Variants in PRKN observed in about 807,000 individuals in gnomAD.
The protein encoded by PRKN is E3 ubiquitin-protein ligase parkin.
In PRKN, 56 loss-of-function variants were observed where a neutral mutation model predicts 59.5. The observed-to-expected ratio is 0.94, with a 90% CI of 0.76 to 1.18. PRKN has a LOEUF of 1.18. PRKN is among the 50% of genes most tolerant of loss of function. PRKN has a pLI of 0.00. For missense variants in PRKN, 657 were observed against 596.4 expected, an observed-to-expected ratio of 1.10 and a Z score of -1.06; for synonymous variants, 250 against 222.1, an observed-to-expected ratio of 1.13 and a Z score of -1.12.
chr6:162,684,738 G>A (rs2128233638), intron 1 of PRKN, among the ~76,000 whole-genome samples: 1 of 152,202 alleles, frequency 6.6e-6, no homozygotes, highest in South Asian at 2.1e-4. Flanking sequence ...CACTGTTAGT[G>A]AGGTAAATTA....
At chr6:162,007,855 A>T (rs539282435) in intron 5 of PRKN, among the ~76,000 whole-genome samples, 3 of 152,278 alleles carry the variant, frequency 2.0e-5, no homozygotes, top group Non-Finnish European at 4.4e-5. Flanking sequence ...AAAAGCCAGA[A>T]TCAATATACA....
chr6:161,733,783 A>AAATATATATATATGTATATATATATAT (rs35360887), intron 7 of PRKN, among the ~76,000 whole-genome samples: 3 of 86,228 alleles, frequency 3.5e-5, no homozygotes, highest in African/African-American at 8.8e-5. Context: ...AAAAAAAAAA[A>AAATATATATATATGTATATATATATAT]ATATATATAT....
At chr6:162,689,004 T>C (rs1161559262) in intron 1 of PRKN, among the ~76,000 whole-genome samples, 1 of 152,188 alleles carries the variant, frequency 6.6e-6, no homozygotes, top group Non-Finnish European at 1.5e-5. Flanking sequence ...TTCCCTATTA[T>C]CCTTCTGAGA....
At position 162,501,200 on chromosome 6, in the gene PRKN, C is replaced by T. The variant is rs149925507; in HGVS notation, c.8-57727G>A. On this transcript the variant is annotated intron_variant, in intron 1 of 11. Transcript: ENST00000366898. The stretch of plus-strand genomic sequence containing the variant: ...AAGGTGTTTTAATATCCCTCCTCCC[C>T]CAAGCTCCAAAAGATAAATTCTAAA... 8.2e-4 allele frequency among the ~76,000 whole-genome samples: 125 copies of T among 152,214 alleles called. 1 individual carries two copies. The South Asian group carries it at 0.012, about 14-fold the overall frequency.
rs1168230875 is a variant in PRKN at position 161,409,070 on chromosome 6, C to A, written c.1084-22193G>T. On this transcript the variant is annotated intron_variant, in intron 9 of 11. Coordinates refer to ENST00000366898, the MANE Select transcript of PRKN (RefSeq NM_004562.3). The surrounding 1 kb of genome is among the most constrained non-coding windows in gnomAD (Gnocchi z 4.6). ...AAGCGATTCTCCTGCCTCAGCCTCC[C>A]AAGTAACTAGGACTACAGGCTCCCA... Among the ~76,000 whole-genome samples the A allele has an allele frequency of 6.6e-6, 1 of 152,114 alleles. No individual in the cohort carries two copies. Among genetic ancestry groups the A allele is most frequent in the East Asian group, 1.9e-4 (1 of 5,192 alleles).
chr6:162,146,096 AG>A (rs1214465879), intron 4 of PRKN, among the ~76,000 whole-genome samples: 3 of 152,150 alleles, frequency 2.0e-5, no homozygotes, highest in Non-Finnish European at 4.4e-5. Flanking sequence ...ATTTAGTTCT[AG>A]GAAGTCAGTG....
intron 6 of PRKN, among the ~76,000 whole-genome samples, chr6:161,923,556 T>A (rs1175902237): frequency 6.6e-6 from 1 of 152,170 alleles, no homozygotes; most frequent in East Asian, 1.9e-4. Context: ...AAACTGTTCT[T>A]CACCTAGGTT....
intron 1 of PRKN, among the ~76,000 whole-genome samples, chr6:162,655,317 T>C (rs1364951992): frequency 6.6e-6 from 1 of 152,200 alleles, no homozygotes; most frequent in Non-Finnish European, 1.5e-5. Context: ...GTTTTTTGAT[T>C]CGTAATTGTA....
intron 6 of PRKN, among the ~76,000 whole-genome samples, chr6:161,870,974 G>GT (rs2128226614): frequency 6.6e-6 from 1 of 152,006 alleles, no homozygotes; most frequent in South Asian, 2.1e-4. Context: ...TAGAGATAGG[G>GT]TAATCATCTA....
intron 3 of PRKN, among the ~76,000 whole-genome samples, chr6:162,218,983 G>A (rs1328779286): frequency 1.3e-5 from 2 of 151,968 alleles, no homozygotes; most frequent in South Asian, 4.2e-4. Context: ...AGACCAGCCC[G>A]GGCAACATGG....
intron 4 of PRKN, among the ~76,000 whole-genome samples, chr6:162,099,578 G>A (rs951747623): frequency 3.9e-5 from 6 of 152,122 alleles, no homozygotes; most frequent in African/African-American, 1.4e-4. Context: ...TTTAATTGAA[G>A]TATAATACAT....
intron 10 of PRKN, among the ~76,000 whole-genome samples, chr6:161,382,815 G>A (rs1306534468): frequency 2.6e-5 from 4 of 152,162 alleles, no homozygotes; most frequent in African/African-American, 7.2e-5. Flanking sequence ...AATACATTAA[G>A]TTTTAGGTCC....
intron 9 of PRKN, among the ~76,000 whole-genome samples, chr6:161,539,025 G>A (rs766616752): frequency 5.9e-5 from 9 of 152,258 alleles, no homozygotes; most frequent in South Asian, 2.1e-4. Flanking sequence ...GCTAACATGC[G>A]ATGTTCTTGG....
intron 1 of PRKN, among the ~76,000 whole-genome samples, chr6:162,721,386 C>T (rs1242122465): frequency 2.6e-5 from 4 of 152,214 alleles, no homozygotes; most frequent in Admixed American, 6.5e-5. Context: ...TTCTAAAATA[C>T]AACCTGTTCA....
At chr6:162,460,337 T>C (rs909035776) in intron 1 of PRKN, among the ~76,000 whole-genome samples, 1 of 152,122 alleles carries the variant, frequency 6.6e-6, no homozygotes, top group Non-Finnish European at 1.5e-5. Context: ...GAGAGTGCAT[T>C]AGTGATTGCC....
At chr6:161,595,726 T>C (rs553294211) in intron 7 of PRKN, among the ~76,000 whole-genome samples, 1 of 152,070 alleles carries the variant, frequency 6.6e-6, no homozygotes, top group Non-Finnish European at 1.5e-5. Context: ...CTACCTCTCA[T>C]TGGGAGGGGG....
At chr6:161,489,249 G>A (rs954789309) in intron 9 of PRKN, among the ~76,000 whole-genome samples, 5 of 151,656 alleles carry the variant, frequency 3.3e-5, no homozygotes, top group African/African-American at 1.2e-4. Context: ...AAAAACATGG[G>A]CAATATAATC....
At chr6:161,734,634 A>G (rs1204319386) in intron 7 of PRKN, among the ~76,000 whole-genome samples, 1 of 152,222 alleles carries the variant, frequency 6.6e-6, no homozygotes, top group Non-Finnish European at 1.5e-5. Context: ...TTCCCTAAAC[A>G]TTTAGAGGAA....
chr6:161,988,527 G>T (rs1289582824), intron 5 of PRKN, among the ~76,000 whole-genome samples: 1 of 151,564 alleles, frequency 6.6e-6, no homozygotes, highest in Non-Finnish European at 1.5e-5. Context: ...TAAATAAAAA[G>T]AAAAATTTTC....
Sources: allele counts gnomAD v4.1 joint callset (sites outside exome capture counted in the v4.1 genomes callset), GRCh38; gene constraint gnomAD v4.1.1; non-coding constraint Gnocchi (gnomAD v3.1); transcripts MANE v1.5; gene names NCBI Gene and HGNC (gene_info 2026-07-23, HGNC 2026-07-21).